UNC13C: variants seen among roughly 807,000 people sequenced by gnomAD.
UNC13C encodes protein unc-13 homolog C.
Under a neutral mutation model 245.4 loss-of-function variants are expected in UNC13C, and 174 were observed. That is an observed-to-expected ratio of 0.71 (90% CI 0.63 to 0.80). UNC13C has a LOEUF of 0.80. Ranked by LOEUF, UNC13C falls within the 30% of genes least tolerant of loss-of-function variation. UNC13C has a pLI of 0.00. For missense variants in UNC13C, 2,829 were observed against 2,602.9 expected (o/e 1.09, Z -1.89); for synonymous variants, 992 against 895.1 (o/e 1.11, Z -1.93).
chr15:54,543,058 T>A (rs938522171), intron 26 of UNC13C, among the ~76,000 whole-genome samples: 1 of 152,170 alleles, frequency 6.6e-6, no homozygotes, highest in Non-Finnish European at 1.5e-5. Context: ...TACCTGGTTA[T>A]TTTGCCCATT....
At chr15:54,249,405 T>C (rs888462597) in intron 7 of UNC13C, among the ~76,000 whole-genome samples, 2 of 152,176 alleles carry the variant, frequency 1.3e-5, no homozygotes, top group African/African-American at 4.8e-5. Flanking sequence ...TCTCCGTAGA[T>C]TACAAGATTC....
At chr15:53,854,747 C>T in the UNC13C span, among the ~76,000 whole-genome samples, 1 of 152,050 alleles carries the variant, frequency 6.6e-6, no homozygotes, top group Non-Finnish European at 1.5e-5. Flanking sequence ...CAGCTTTGTT[C>T]TTTTTGCTTA....
chr15:54,560,228 T>C (rs1897247425), intron 29 of UNC13C, among the ~76,000 whole-genome samples: 1 of 151,722 alleles, frequency 6.6e-6, no homozygotes, highest in Non-Finnish European at 1.5e-5. Flanking sequence ...AATAGTATAT[T>C]TAACAAAAAA....
intron 2 of UNC13C, among the ~76,000 whole-genome samples, chr15:54,037,122 C>A (rs1246886663): frequency 6.6e-6 from 1 of 152,202 alleles, no homozygotes; most frequent in Non-Finnish European, 1.5e-5. Flanking sequence ...GTTCCTAAAC[C>A]TTAAATGCTT....
intron 19 of UNC13C, among the ~76,000 whole-genome samples, chr15:54,441,565 A>G (rs547891296): frequency 2.0e-5 from 3 of 152,100 alleles, no homozygotes; most frequent in Non-Finnish European, 4.4e-5. Flanking sequence ...CTGTTTTCAT[A>G]CCAATACCAT....
intron 4 of UNC13C, among the ~76,000 whole-genome samples, chr15:54,153,878 A>G (rs1441000911): frequency 6.6e-6 from 1 of 151,994 alleles, no homozygotes; most frequent in Non-Finnish European, 1.5e-5. Context: ...TCTTATTGAA[A>G]TGCCTCAGGA....
At chr15:53,946,492 T>C in the UNC13C span, among the ~76,000 whole-genome samples, 7 of 149,756 alleles carry the variant, frequency 4.7e-5, no homozygotes, top group Non-Finnish European at 8.9e-5. Context: ...GTGTCACCCA[T>C]GCTGGATCAC....
intron 2 of UNC13C, among the ~76,000 whole-genome samples, chr15:54,069,727 A>C (rs573375052): frequency 6.6e-6 from 1 of 152,330 alleles, no homozygotes; most frequent in African/African-American, 2.4e-5. Context: ...TACAAGTTAC[A>C]CTGTAACGTT....
intron 19 of UNC13C, among the ~76,000 whole-genome samples, chr15:54,464,798 C>G (rs1892079114): frequency 6.6e-6 from 1 of 151,616 alleles, no homozygotes; most frequent in African/African-American, 2.4e-5. Flanking sequence ...TGACTATTCT[C>G]CTGGCCAGTA....
rs898697407 is a variant in UNC13C, at chr15:54,338,263, C to A, written c.4585-98C>A. 6 of 1,333,808 alleles carry A rather than the reference C, an allele frequency of 4.5e-6. No individual in the cohort carries two copies. The Admixed American group carries it at 1.2e-4, about 26-fold the overall frequency. 82.6% of individuals were successfully genotyped at this position (1,333,808 alleles called of 1,614,324 possible). A position where few individuals can be genotyped will look rare whatever the true frequency, so the allele number is the denominator to read the frequency against. The stretch of plus-strand genomic sequence containing the variant: ...TGACACTTACTGAACATAGAAAAAT[C>A]GACTGAAAGTATTTATTGAATATAT... On this transcript the variant is annotated intron_variant, in intron 16 of 32. Coordinates refer to ENST00000260323, the MANE Select transcript of UNC13C (RefSeq NM_001080534.3).
At chr15:54,095,361 CT>C (rs1899800602) in intron 2 of UNC13C, among the ~76,000 whole-genome samples, 1 of 152,182 alleles carries the variant, frequency 6.6e-6, no homozygotes, top group South Asian at 2.1e-4. Context: ...ACACAGCATT[CT>C]CTCCAAAATT....
chr15:54,577,015 G>C (rs1897982343), intron 30 of UNC13C, among the ~76,000 whole-genome samples: 2 of 152,228 alleles, frequency 1.3e-5, no homozygotes, highest in South Asian at 4.2e-4. Context: ...TTTTATTGTA[G>C]CAACTATGTT....
the UNC13C span, among the ~76,000 whole-genome samples, chr15:53,875,824 C>A: frequency 3.9e-5 from 6 of 152,176 alleles, no homozygotes; most frequent in African/African-American, 4.8e-5. Context: ...CTGGGCCATG[C>A]CTTGCATCTT....
the UNC13C span, among the ~76,000 whole-genome samples, chr15:53,853,700 G>A: frequency 6.6e-6 from 1 of 152,166 alleles, no homozygotes; most frequent in African/African-American, 2.4e-5. Flanking sequence ...TCTGGCAGGA[G>A]ATGGTATCTC....
At chr15:54,562,349 G>A (rs546210919) in intron 29 of UNC13C, among the ~76,000 whole-genome samples, 2 of 151,960 alleles carry the variant, frequency 1.3e-5, no homozygotes, top group Non-Finnish European at 2.9e-5. Flanking sequence ...AAGTCTGACT[G>A]TATAGGGGAC....
At chr15:54,422,210 C>A (rs1455456870) in intron 19 of UNC13C, among the ~76,000 whole-genome samples, 1 of 151,938 alleles carries the variant, frequency 6.6e-6, no homozygotes. Flanking sequence ...ATAGACAAAT[C>A]CATAAATACT....
intron 30 of UNC13C, among the ~76,000 whole-genome samples, chr15:54,594,657 G>A (rs987959604): frequency 3.9e-5 from 6 of 152,160 alleles, no homozygotes; most frequent in Non-Finnish European, 7.3e-5. Context: ...AAACTGTAGG[G>A]CCGGTCTCAC....
intron 29 of UNC13C, among the ~76,000 whole-genome samples, chr15:54,559,522 C>G (rs1897218847): frequency 6.6e-6 from 1 of 151,958 alleles, no homozygotes; most frequent in African/African-American, 2.4e-5. Context: ...TGAGAGCTTA[C>G]TGTAGGTAGA....
the UNC13C span, among the ~76,000 whole-genome samples, chr15:53,856,482 T>C: frequency 1.3e-5 from 2 of 152,138 alleles, no homozygotes; most frequent in Non-Finnish European, 2.9e-5. Flanking sequence ...CCAGAGATTC[T>C]AGAATGTCAT....
Sources: gnomAD v4.1 joint callset for allele counts (sites outside exome capture counted in the v4.1 genomes callset) on GRCh38, gnomAD v4.1.1 for gene constraint, MANE v1.5 for transcripts, NCBI Gene and HGNC (gene_info 2026-07-23, HGNC 2026-07-21) for gene names.